CMIP: variants seen among roughly 807,000 people sequenced by gnomAD.
CMIP encodes the protein C-Maf-inducing protein.
CMIP carries 13 observed loss-of-function variants against 97.3 expected under a neutral mutation model. The observed-to-expected ratio is 0.13, with a 90% CI of 0.09 to 0.21. The LOEUF is 0.21. CMIP is among the 10% of genes least tolerant of loss of function. CMIP has a pLI of 1.00. For missense variants in CMIP, 847 were observed against 1,024.9 expected, an observed-to-expected ratio of 0.83 and a Z score of 2.37; for synonymous variants, 538 against 436.3, an observed-to-expected ratio of 1.23 and a Z score of -2.91.
chr16:81,650,488 G>A (rs559219027), intron 3 of CMIP, among the ~76,000 whole-genome samples: 143 of 152,186 alleles, frequency 9.4e-4, no homozygotes, highest in Middle Eastern at 3.4e-3. Context: ...GGTGATGGGC[G>A]GGGGGAATGA....
chr16:81,703,785 G>C (rs1320465678), intron 17 of CMIP, 154 bp from the exon 18 acceptor site: 4 of 1,027,214 alleles, frequency 3.9e-6, no homozygotes, highest in South Asian at 1.7e-5. Flanking sequence ...CCATCCCACC[G>C]AGCTGTGCCC....
intron 4 of CMIP, among the ~76,000 whole-genome samples, chr16:81,657,367 G>C (rs1465059448): frequency 1.3e-5 from 2 of 152,170 alleles, no homozygotes; most frequent in Middle Eastern, 3.2e-3. Context: ...CTCTTGAAAG[G>C]TCTGTTTCTT....
At chr16:81,531,488 G>A (rs1333134318) in intron 1 of CMIP, among the ~76,000 whole-genome samples, 5 of 152,180 alleles carry the variant, frequency 3.3e-5, no homozygotes, top group African/African-American at 4.8e-5. Context: ...GTCCAGTCTC[G>A]ATTCTACGAC....
intron 7 of CMIP, chr16:81,664,626 A>T (rs2092583625): frequency 1.7e-6 from 1 of 580,316 alleles, no homozygotes; most frequent in Non-Finnish European, 3.1e-6. Context: ...GAATAGGCCC[A>T]AATAATGTCT....
intron 1 of CMIP, among the ~76,000 whole-genome samples, chr16:81,574,018 A>G (rs1482321211): frequency 6.6e-6 from 1 of 152,136 alleles, no homozygotes; most frequent in Non-Finnish European, 1.5e-5. Context: ...ACTGCAATCT[A>G]GTATAGTAGT....
chr16:81,514,980 A>G (rs1242992976), intron 1 of CMIP, among the ~76,000 whole-genome samples: 2 of 152,180 alleles, frequency 1.3e-5, no homozygotes, highest in African/African-American at 4.8e-5. Flanking sequence ...TCGTTGTTCG[A>G]GGGCCTGCTG....
rs368943986 is a variant in CMIP at position 81,469,094 on chromosome 16, G to C, written c.300+23553G>C. ...AACCTGGCAATGGCTGAGCTGATCAGGAGTGTGGGGCCCAGTTCGTTGCCA... is the reference window on the plus strand; with the variant it reads ...AACCTGGCAATGGCTGAGCTGATCACGAGTGTGGGGCCCAGTTCGTTGCCA... On this transcript the variant is annotated intron_variant, in intron 1 of 20. Coordinates refer to ENST00000537098, the MANE Select transcript of CMIP (RefSeq NM_198390.3). Among the ~76,000 whole-genome samples, 25 of 152,268 alleles carry C rather than the reference G, an allele frequency of 1.6e-4. 1 individual carries two copies. In the East Asian group the frequency reaches 1.9e-3, roughly 12 times the overall value.
At chr16:81,491,218 G>C (rs1323754920) in intron 1 of CMIP, among the ~76,000 whole-genome samples, 1 of 152,156 alleles carries the variant, frequency 6.6e-6, no homozygotes, top group Non-Finnish European at 1.5e-5. Flanking sequence ...GATGTCTAGG[G>C]GGCTGGAGTG....
chr16:81,546,907 A>G (rs1395307751), intron 1 of CMIP, among the ~76,000 whole-genome samples: 1 of 152,230 alleles, frequency 6.6e-6, no homozygotes, highest in African/African-American at 2.4e-5. Flanking sequence ...CGTGGCGAAC[A>G]GCTCTTGTAC....
Position 81,678,313 on chromosome 16 carries a change from G to A in CMIP, c.1073G>A (p.Gly358Asp). The change falls in exon 10 of 21, where the codon GGC becomes GAC. Residue 358 changes from glycine (G) to aspartate (D), a missense_variant. Gly to Asp is a moderately conservative substitution (Grantham distance 94, BLOSUM62 -1). This residue lies in a region of CMIP where 285 missense variants were observed against 392.2 expected (regional missense o/e 0.73). Coordinates refer to ENST00000537098, the MANE Select transcript of CMIP (RefSeq NM_198390.3). ...CCAAGCCTGAAGGAAATCCGGAACG[G>A]CTGCCAGCAGCCGTGCGACCGGAAG... ...NSPSLKEIRN[G>D]CQQPCDRKPT... 6.2e-7 allele frequency: 1 copy of A among 1,608,430 alleles called. No individual in the cohort carries two copies.
chr16:81,604,794 G>C (rs565354182), intron 1 of CMIP, among the ~76,000 whole-genome samples: 10 of 152,362 alleles, frequency 6.6e-5, no homozygotes, highest in Admixed American at 5.9e-4. Context: ...GCCACGTTAA[G>C]ACAGCTAAGG....
At chr16:81,568,241 T>C (rs904195248) in intron 1 of CMIP, among the ~76,000 whole-genome samples, 1 of 152,018 alleles carries the variant, frequency 6.6e-6, no homozygotes, top group African/African-American at 2.4e-5. Context: ...AGAGGGACCC[T>C]CTGGCCTCAC....
At chr16:81,604,308 A>G (rs1417604344) in intron 1 of CMIP, among the ~76,000 whole-genome samples, 1 of 150,710 alleles carries the variant, frequency 6.6e-6, no homozygotes, top group Non-Finnish European at 1.5e-5. Flanking sequence ...AGGCAGGAGA[A>G]TCGCTTGAAC....
rs775071767 is a variant in CMIP at position 81,678,401 on chromosome 16, G to A, written c.1161G>A (p.Leu387=). 1.9e-6 allele frequency: 3 copies of A among 1,606,298 alleles called. No homozygotes were observed. The highest frequency in any genetic ancestry group is 2.5e-6 in the Non-Finnish European group (3 of 1,176,848). The change falls in exon 10 of 21, where the codon CTG becomes CTA. Residue 387 remains leucine, a synonymous_variant. Transcript: ENST00000537098. ...ACCTGGTGTCTCAGGAAGCCACGCT[G>A]TCTGAGGCCCGGCTCAAGTCGGTGG... ...SPDLVSQEAT[L]SEARLKSVVV...
At chr16:81,477,242 G>A (rs1489658720) in intron 1 of CMIP, among the ~76,000 whole-genome samples, 1 of 151,788 alleles carries the variant, frequency 6.6e-6, no homozygotes, top group Non-Finnish European at 1.5e-5. Flanking sequence ...TGCAACCTCA[G>A]CCTCCTGGGT....
At chr16:81,448,872 C>T (rs1041892275) in intron 1 of CMIP, among the ~76,000 whole-genome samples, 2 of 152,266 alleles carry the variant, frequency 1.3e-5, no homozygotes, top group South Asian at 2.1e-4. Context: ...TGTGGTGCCC[C>T]ATTCCCTCTT....
chr16:81,702,143 A>G lies in CMIP; in HGVS notation c.1896+343A>G, dbSNP rs559715588. ...AAGGACTTTGTATGTCCACATGCAT[A>G]TACTCACACATGTGTACACAGAAGG... On this transcript the variant is annotated intron_variant, in intron 16 of 20. Transcript: ENST00000537098. 7.9e-5 allele frequency among the ~76,000 whole-genome samples: 12 copies of G among 152,308 alleles called. No individual in the cohort carries two copies. In the South Asian group the frequency reaches 2.5e-3, roughly 32 times the overall value.
chr16:81,684,667 C>T (rs1293855168), intron 10 of CMIP, among the ~76,000 whole-genome samples: 1 of 152,226 alleles, frequency 6.6e-6, no homozygotes, highest in Non-Finnish European at 1.5e-5. Flanking sequence ...CTCCGTTTCT[C>T]ATCTGTGAAA....
chr16:81,670,162 A>G lies in CMIP; in HGVS notation c.846A>G (p.Arg282=). 1.2e-6 allele frequency: 2 copies of G among 1,610,036 alleles called. No homozygotes were observed. Among genetic ancestry groups the G allele is most frequent in the East Asian group, 4.5e-5 (2 of 44,762 alleles). The change falls in exon 8 of 21, where the codon CGA becomes CGG. Residue 282 remains arginine (R), a synonymous_variant. Transcript: ENST00000537098. ...KHNMDFGKCP[R]LRLFTQEYIL... ...CACAGGACTTTGGGAAGTGCCCGCGACTGAGGCTGTTTACTCAGGAGTACA... is the reference window on the plus strand; with the variant it reads ...CACAGGACTTTGGGAAGTGCCCGCGGCTGAGGCTGTTTACTCAGGAGTACA...
Sources: allele counts gnomAD v4.1 joint callset (sites outside exome capture counted in the v4.1 genomes callset), GRCh38; gene constraint gnomAD v4.1.1; regional missense constraint gnomAD v4.1.1; transcripts MANE v1.5; gene names NCBI Gene and HGNC (gene_info 2026-07-23, HGNC 2026-07-21).